Variants in SLC26A5 observed in about 807,000 individuals in gnomAD.
SLC26A5 encodes the protein solute carrier family 26 member 5.
In SLC26A5, 51 loss-of-function variants were observed where a neutral mutation model predicts 81.0. The ratio of observed to expected loss-of-function variants is 0.63; its 90% CI spans 0.50 to 0.80. The LOEUF is 0.80. Ranked by LOEUF, SLC26A5 falls within the 30% of genes least tolerant of loss-of-function variation. SLC26A5 has a pLI of 0.00. For synonymous variants in SLC26A5, 325 were observed against 332.8 expected (o/e 0.98, Z 0.25); for missense variants, 771 against 905.8 (o/e 0.85, Z 1.91).
downstream of SLC26A5, among the ~76,000 whole-genome samples, chr7:103,372,181 C>T (rs1371036234): frequency 1.3e-5 from 2 of 152,112 alleles, no homozygotes; most frequent in Admixed American, 1.3e-4. Context: ...ATAACTAAGC[C>T]AATCTAAATT....
At chr7:103,438,380 ATTTCT>A (rs527754105) in intron 2 of SLC26A5, among the ~76,000 whole-genome samples, 215 of 149,082 alleles carry the variant, frequency 1.4e-3, no homozygotes, top group African/African-American at 4.9e-3. Context: ...TTATATTGAG[ATTTCT>A]TTTCTTTTTT....
At chr7:103,397,105 A>C (rs1206494327) in intron 9 of SLC26A5, among the ~76,000 whole-genome samples, 1 of 121,886 alleles carries the variant, frequency 8.2e-6, no homozygotes, top group South Asian at 2.5e-4. Flanking sequence ...AAAAAAAAAG[A>C]AAAAAAAAAA....
At chr7:103,432,576 T>C (rs1023887082) in intron 2 of SLC26A5, among the ~76,000 whole-genome samples, 4 of 152,220 alleles carry the variant, frequency 2.6e-5, no homozygotes, top group African/African-American at 7.2e-5. Context: ...TCTAATTTCA[T>C]AGTGTTGCAT....
intron 19 of SLC26A5, chr7:103,362,647 T>G: frequency 6.5e-7 from 1 of 1,547,148 alleles, no homozygotes; most frequent in Non-Finnish European, 8.9e-7. Context: ...TTTGAAAGCT[T>G]AAAGAATGTA....
At chr7:103,379,407 C>G (rs1821610399) in intron 15 of SLC26A5, 72 bp from the exon 16 acceptor site, 1 of 1,003,170 alleles carries the variant, frequency 1.0e-6, no homozygotes, top group Non-Finnish European at 1.5e-6. Context: ...GCTTCCCCAC[C>G]CCAAATAGAA....
intron 2 of SLC26A5, among the ~76,000 whole-genome samples, chr7:103,426,180 A>G (rs1391900572): frequency 6.6e-6 from 1 of 152,212 alleles, no homozygotes; most frequent in East Asian, 1.9e-4. Flanking sequence ...CTCACAACAA[A>G]AGAGAGTTGT....
chr7:103,424,875 CCCA>C (rs968105491), intron 2 of SLC26A5, among the ~76,000 whole-genome samples: 18 of 152,142 alleles, frequency 1.2e-4, no homozygotes, highest in African/African-American at 4.1e-4. Context: ...CCTGAACCTA[CCCA>C]GTTAGGATTT....
rs535143011 is a variant in SLC26A5 at position 103,413,230 on chromosome 7, T to A, written c.293-118A>T. The A allele has an allele frequency of 6.8e-6, 5 of 733,570 alleles. No individual in the cohort carries two copies. In the East Asian group the frequency reaches 1.1e-4, roughly 16 times the overall value. The allele number at this position is 733,570 out of a possible 1,614,324, so 45.4% of individuals were successfully genotyped here. On this transcript the variant is annotated intron_variant, in intron 4 of 19. Coordinates refer to ENST00000306312, the MANE Select transcript of SLC26A5 (RefSeq NM_198999.3). ...GAGTGAAGCCCATCTTAATTTAAGCTGCAACCTGCCCTACCCCAGTCCTGC... is the reference window on the plus strand; with the variant it reads ...GAGTGAAGCCCATCTTAATTTAAGCAGCAACCTGCCCTACCCCAGTCCTGC...
At chr7:103,422,353 T>C (rs901945638) in intron 2 of SLC26A5, among the ~76,000 whole-genome samples, 7 of 152,206 alleles carry the variant, frequency 4.6e-5, no homozygotes, top group African/African-American at 1.4e-4. Flanking sequence ...TTTAATTCTA[T>C]GTAGTAATTA....
intron 8 of SLC26A5, 88 bp downstream of exon 8, chr7:103,407,763 A>G: frequency 6.8e-7 from 1 of 1,474,118 alleles, no homozygotes; most frequent in Non-Finnish European, 9.3e-7. Flanking sequence ...AGAGCAAAAA[A>G]TTCCTTTCAT....
Position 103,367,607 on chromosome 7 carries a change from G to A in SLC26A5, c.2041+9201C>T, listed in dbSNP as rs374218623. 2.2e-5 allele frequency: 36 copies of A among 1,613,790 alleles called. No individual in the cohort carries two copies. The highest frequency in any genetic ancestry group is 2.8e-5 in the Non-Finnish European group (33 of 1,179,926). ...TAGAAAAATTGAATTTAGCTTGCCC[G>A]ATCTAGAGGTAAGAAAACCATTTCA... On this transcript the variant is annotated intron_variant, in intron 19 of 19. Transcript: ENST00000339444. This position sits in a 1 kb window ranked among gnomAD's most constrained non-coding sequence, Gnocchi z 6.1.
chr7:103,418,942 A>G (rs1272433176), intron 4 of SLC26A5, among the ~76,000 whole-genome samples: 2 of 152,144 alleles, frequency 1.3e-5, no homozygotes, highest in African/African-American at 2.4e-5. Flanking sequence ...TGTAGCTCCC[A>G]TAATTCCCAT....
intron 14 of SLC26A5, among the ~76,000 whole-genome samples, chr7:103,386,764 T>A (rs1822227979): frequency 1.3e-5 from 2 of 152,110 alleles, no homozygotes; most frequent in South Asian, 4.1e-4. Context: ...TAGATTTTTT[T>A]TTCTTTTTCT....
chr7:103,370,604 G>GAGCT (rs1820980313), downstream of SLC26A5, among the ~76,000 whole-genome samples: 1 of 152,190 alleles, frequency 6.6e-6, no homozygotes, highest in Non-Finnish European at 1.5e-5. Context: ...ACTACAAAAT[G>GAGCT]AGCTATTCCA....
chr7:103,386,839 T>A (rs943230084), intron 14 of SLC26A5, among the ~76,000 whole-genome samples: 1 of 151,866 alleles, frequency 6.6e-6, no homozygotes, highest in African/African-American at 2.4e-5. Context: ...CTCAGCTCAC[T>A]GCAACCTCCA....
chr7:103,400,205 T>G (rs1261169714), intron 8 of SLC26A5, among the ~76,000 whole-genome samples: 1 of 152,220 alleles, frequency 6.6e-6, no homozygotes, highest in African/African-American at 2.4e-5. Flanking sequence ...AAAGCATTCC[T>G]ATTTCTCCAC....
intron 19 of SLC26A5, among the ~76,000 whole-genome samples, chr7:103,356,054 T>C (rs372400382): frequency 3.3e-5 from 5 of 152,322 alleles, no homozygotes; most frequent in African/African-American, 1.2e-4. Context: ...TCATACTTGC[T>C]TTCCCGTTGC....
At chr7:103,360,078 CAA>C (rs879838360) in intron 19 of SLC26A5, among the ~76,000 whole-genome samples, 7 of 105,340 alleles carry the variant, frequency 6.6e-5, no homozygotes, top group African/African-American at 7.1e-5. Context: ...GATTCCGTCT[CAA>C]AAAAAAAAAA....
At chr7:103,405,472 C>A (rs543879100) in intron 8 of SLC26A5, among the ~76,000 whole-genome samples, 2 of 152,150 alleles carry the variant, frequency 1.3e-5, no homozygotes, top group African/African-American at 4.8e-5. Flanking sequence ...AGTTTGCTGA[C>A]GTCCATTCCA....
Sources: allele counts gnomAD v4.1 joint callset (sites outside exome capture counted in the v4.1 genomes callset), GRCh38; gene constraint gnomAD v4.1.1; non-coding constraint Gnocchi (gnomAD v3.1); transcripts MANE v1.5; gene names NCBI Gene and HGNC (gene_info 2026-07-23, HGNC 2026-07-21).